Variants in CTNND2 observed in about 807,000 individuals in gnomAD.
CTNND2 encodes catenin delta-2.
CTNND2 carries 22 observed loss-of-function variants against 144.4 expected under a neutral mutation model. That is an observed-to-expected ratio of 0.15 (90% confidence interval 0.11 to 0.22). The LOEUF is 0.22. Among genes scored for constraint, CTNND2 ranks in the 10% least tolerant of loss-of-function variants. The pLI is 1.00. For synonymous variants in CTNND2, 751 were observed against 695.6 expected (o/e 1.08, Z -1.25); for missense variants, 1,353 against 1,618.8 (o/e 0.84, Z 2.82).
intron 3 of CTNND2, among the ~76,000 whole-genome samples, chr5:11,443,476 C>CAT: frequency 6.7e-6 from 1 of 149,990 alleles, no homozygotes; most frequent in South Asian, 2.1e-4. Flanking sequence ...TGTGTGCATA[C>CAT]ATATATATGT....
intron 1 of CTNND2, among the ~76,000 whole-genome samples, chr5:11,788,034 G>A (rs959080129): frequency 2.6e-5 from 4 of 152,158 alleles, no homozygotes; most frequent in South Asian, 2.1e-4. Flanking sequence ...TTTCATTGTT[G>A]AAATGATATT....
chr5:11,133,055 A>G (rs1418129964), intron 12 of CTNND2, among the ~76,000 whole-genome samples: 1 of 152,226 alleles, frequency 6.6e-6, no homozygotes, highest in Admixed American at 6.5e-5. Context: ...GTTTTTGGCT[A>G]ATGGTTACTT....
At chr5:11,025,789 A>C (rs1370581849) in intron 16 of CTNND2, among the ~76,000 whole-genome samples, 2 of 152,156 alleles carry the variant, frequency 1.3e-5, no homozygotes, top group Non-Finnish European at 2.9e-5. Context: ...TTTTCTTTTT[A>C]ACCTAAGTTT....
intron 9 of CTNND2, among the ~76,000 whole-genome samples, chr5:11,345,290 T>C (rs1480114986): frequency 6.6e-6 from 1 of 152,164 alleles, no homozygotes; most frequent in African/African-American, 2.4e-5. Flanking sequence ...AAAAGAATGC[T>C]TCCGATTTCT....
chr5:11,057,578 C>T (rs1027915154), intron 16 of CTNND2, among the ~76,000 whole-genome samples: 1 of 152,078 alleles, frequency 6.6e-6, no homozygotes, highest in African/African-American at 2.4e-5. Context: ...TGTAAATTGC[C>T]CAGTCTTGGG....
At chr5:11,581,569 T>C (rs898963354) in intron 2 of CTNND2, among the ~76,000 whole-genome samples, 4 of 152,196 alleles carry the variant, frequency 2.6e-5, no homozygotes, top group East Asian at 1.9e-4. Flanking sequence ...CCTAGATGGA[T>C]TGCACTGTGA....
chr5:11,795,386 T>C (rs761240373), intron 1 of CTNND2, among the ~76,000 whole-genome samples: 28 of 152,180 alleles, frequency 1.8e-4, no homozygotes, highest in Admixed American at 5.9e-4. Flanking sequence ...TTTAAGGAGA[T>C]TCCGTTTATC....
chr5:11,664,315 G>C (rs1421636086), intron 2 of CTNND2, among the ~76,000 whole-genome samples: 1 of 152,180 alleles, frequency 6.6e-6, no homozygotes, highest in Non-Finnish European at 1.5e-5. Flanking sequence ...AATACAAGCT[G>C]GGTGCGGTGG....
chr5:11,807,990 C>T (rs952484083), intron 1 of CTNND2, among the ~76,000 whole-genome samples: 1 of 152,128 alleles, frequency 6.6e-6, no homozygotes, highest in African/African-American at 2.4e-5. Context: ...GTAATAGTGG[C>T]TCCCTACAAT....
chr5:11,195,028 C>G (rs1736713971), intron 11 of CTNND2, among the ~76,000 whole-genome samples: 1 of 151,880 alleles, frequency 6.6e-6, no homozygotes, highest in South Asian at 2.1e-4. Context: ...GAGAAATAAT[C>G]CAAGAGGCTC....
At chr5:11,294,986 A>G (rs1029621634) in intron 9 of CTNND2, among the ~76,000 whole-genome samples, 1 of 152,108 alleles carries the variant, frequency 6.6e-6, no homozygotes, top group African/African-American at 2.4e-5. Flanking sequence ...GGCCAGGGCA[A>G]TCAGGCAGGA....
chr5:11,015,706 C>T (rs895629545), intron 18 of CTNND2, among the ~76,000 whole-genome samples: 3 of 152,184 alleles, frequency 2.0e-5, no homozygotes, highest in Admixed American at 6.5e-5. Flanking sequence ...AAACAGGAAA[C>T]GTTCAGGATC....
chr5:11,322,894 A>C lies in CTNND2; in HGVS notation c.1628+23478T>G, dbSNP rs534300713. Among the ~76,000 whole-genome samples the C allele has an allele frequency of 2.0e-5, 3 of 152,298 alleles. No homozygotes were observed. The South Asian group carries it at 6.2e-4, about 32-fold the overall frequency. On this transcript the variant is annotated intron_variant, in intron 9 of 21. Transcript: ENST00000304623. The stretch of plus-strand genomic sequence containing the variant: ...GGGGAGGCTACAGGGCAATTTGTTG[A>C]AAGAAACAGATGTAAATTTAGAGAT...
intron 9 of CTNND2, among the ~76,000 whole-genome samples, chr5:11,309,406 T>C (rs902289240): frequency 3.3e-5 from 5 of 152,184 alleles, no homozygotes; most frequent in African/African-American, 9.7e-5. Context: ...GGAGATTATT[T>C]TGGAGTTTTA....
chr5:11,677,953 G>A (rs559879874), intron 2 of CTNND2, among the ~76,000 whole-genome samples: 3 of 151,986 alleles, frequency 2.0e-5, no homozygotes, highest in Non-Finnish European at 4.4e-5. Context: ...TTTTCTACTG[G>A]GCCAAAAATA....
At chr5:11,443,087 C>A (rs1764420644) in intron 3 of CTNND2, among the ~76,000 whole-genome samples, 2 of 151,116 alleles carry the variant, frequency 1.3e-5, no homozygotes, top group Non-Finnish European at 3.0e-5. Flanking sequence ...AATGAAAAGG[C>A]ATCAGTTCTA....
chr5:11,151,899 T>G (rs1423436895), intron 12 of CTNND2, among the ~76,000 whole-genome samples: 1 of 152,198 alleles, frequency 6.6e-6, no homozygotes, highest in African/African-American at 2.4e-5. Flanking sequence ...GGAAGAACTT[T>G]GGACAATGAT....
intron 9 of CTNND2, among the ~76,000 whole-genome samples, chr5:11,259,345 A>G (rs1269836578): frequency 6.6e-6 from 1 of 151,860 alleles, no homozygotes; most frequent in Non-Finnish European, 1.5e-5. Flanking sequence ...CACCACGCCA[A>G]AAAAAAAGAT....
intron 16 of CTNND2, among the ~76,000 whole-genome samples, chr5:11,064,345 T>C (rs1278863144): frequency 1.3e-5 from 2 of 152,082 alleles, no homozygotes; most frequent in Non-Finnish European, 2.9e-5. Context: ...TAGCATCTAG[T>C]CACCGCATAA....
Sources: allele counts gnomAD v4.1 joint callset (sites outside exome capture counted in the v4.1 genomes callset), GRCh38; gene constraint gnomAD v4.1.1; transcripts MANE v1.5; gene names NCBI Gene and HGNC (gene_info 2026-07-23, HGNC 2026-07-21).